The following KCTD19 variants were observed in gnomAD, a reference collection of about 807,000 sequenced individuals.
The protein encoded by KCTD19 is potassium channel tetramerization domain containing 19, also known as BTB/POZ domain-containing protein KCTD19.
In KCTD19, 67 loss-of-function variants were observed where a neutral mutation model predicts 103.5. The ratio of observed to expected loss-of-function variants is 0.65; its 90% CI spans 0.53 to 0.79. The LOEUF is 0.79. KCTD19 is among the 30% of genes least tolerant of loss of function. The pLI, the probability that KCTD19 is intolerant of heterozygous loss-of-function variation, is 0.00. For missense variants in KCTD19, 980 were observed against 1,136.1 expected (o/e 0.86, Z 1.98); for synonymous variants, 439 against 452.2 (o/e 0.97, Z 0.37).
chr16:67,301,993 G>T, intron 4 of KCTD19, 71 bp from the exon 5 acceptor site: 1 of 1,488,882 alleles, frequency 6.7e-7, no homozygotes, highest in Non-Finnish European at 9.3e-7. Context: ...CCTGGTTTTG[G>T]CAGGTTTCTG....
At chr16:67,310,560 G>A (rs1380812850) in intron 2 of KCTD19, among the ~76,000 whole-genome samples, 1 of 152,194 alleles carries the variant, frequency 6.6e-6, no homozygotes, top group Non-Finnish European at 1.5e-5. Context: ...AATGAATTCA[G>A]ATGGCTAATT....
chr16:67,312,892 C>T (rs2142517458), intron 2 of KCTD19, among the ~76,000 whole-genome samples: 1 of 152,274 alleles, frequency 6.6e-6, no homozygotes, highest in African/African-American at 2.4e-5. Flanking sequence ...TGTCTACTTC[C>T]TCCCTTGCTC....
Position 67,293,467 on chromosome 16 carries a change from T to C in KCTD19, c.2218+77A>G. On this transcript the variant is annotated intron_variant, in intron 12 of 15. Coordinates refer to ENST00000304372, the MANE Select transcript of KCTD19 (RefSeq NM_001100915.3). The surrounding 1 kb of genome is among the most constrained non-coding windows in gnomAD (Gnocchi z 4.0). ...GGTCTAGTCCTCCTTTGTCACTAACTTGCTCTGCCATCTTGGCCAAAGAGT... is the reference window on the plus strand; with the variant it reads ...GGTCTAGTCCTCCTTTGTCACTAACCTGCTCTGCCATCTTGGCCAAAGAGT... 6.6e-7 allele frequency: 1 copy of C among 1,510,300 alleles called. No homozygotes were observed. The highest frequency in any genetic ancestry group is 9.0e-7 in the Non-Finnish European group (1 of 1,111,736). The allele number at this position is 1,510,300 out of a possible 1,614,324, so 93.6% of individuals were successfully genotyped here.
At chr16:67,326,576 T>TG in intron 1 of KCTD19, 129 bp downstream of exon 1, 1 of 1,296,548 alleles carries the variant, frequency 7.7e-7, no homozygotes, top group Non-Finnish European at 1.0e-6. Flanking sequence ...CCTTCCCGGC[T>TG]GGGGGCCCCT....
chr16:67,295,472 T>G, intron 8 of KCTD19, 67 bp from the exon 9 acceptor site: 1 of 1,459,018 alleles, frequency 6.9e-7, no homozygotes, highest in Non-Finnish European at 9.4e-7. Context: ...AGGTCAATCT[T>G]CTCTCACTCC....
Position 67,303,034 on chromosome 16 carries a change from G to C in KCTD19, c.643+112C>G. 1.0e-6 allele frequency: 1 copy of C among 1,000,020 alleles called. No individual in the cohort carries two copies. The highest frequency in any genetic ancestry group is 1.5e-5 in the South Asian group (1 of 68,914). The allele number at this position is 1,000,020 out of a possible 1,614,324, so 61.9% of individuals were successfully genotyped here. On this transcript the variant is annotated intron_variant, in intron 4 of 15. Transcript: ENST00000304372. The surrounding 1 kb of genome is among the most constrained non-coding windows in gnomAD (Gnocchi z 4.3). ...CATGCTTCCGCTACCTCTGCCCAGG[G>C]AAGCTCCTGAGGCCCTGAGCACCAA...
intron 13 of KCTD19, 90 bp downstream of exon 13, chr16:67,291,556 G>T: frequency 6.4e-7 from 1 of 1,566,284 alleles, no homozygotes; most frequent in African/African-American, 1.4e-5. Flanking sequence ...GGGCCCCCAG[G>T]GGCCACTGTC....
In KCTD19 at chr16:67,326,711, C is replaced by T. The variant is rs750658233; in HGVS notation, c.-4G>A. On this transcript the variant is annotated 5_prime_UTR_variant, in exon 1 of 16. Coordinates refer to ENST00000304372, the MANE Select transcript of KCTD19 (RefSeq NM_001100915.3). ...GCCAGAGCGGGCTCCGTACCATGGT[C>T]GCGGCTCCAGCAGCGGGCGGGCGGG... is the stretch of plus-strand genomic sequence containing the variant. 29 of 1,576,936 alleles carry T rather than the reference C, an allele frequency of 1.8e-5. No homozygotes were observed. The Middle Eastern group carries it at 5.0e-4, about 27-fold the overall frequency.
At position 67,313,554 on chromosome 16, in the gene KCTD19, C is replaced by A. The variant is rs1291801023; in HGVS notation, c.300+7035G>T. Among the ~76,000 whole-genome samples the A allele has an allele frequency of 2.0e-5, 3 of 152,106 alleles. No homozygotes were observed. In the East Asian group the frequency reaches 5.8e-4, roughly 29 times the overall value. Reference sequence around the variant, plus strand: ...AATTTCGTCCATGGGCTGTAGTTTGCAGATTCTTGATCTAAGGTTAAGCCA... The same window carrying A: ...AATTTCGTCCATGGGCTGTAGTTTGAAGATTCTTGATCTAAGGTTAAGCCA... On this transcript the variant is annotated intron_variant, in intron 2 of 15. Coordinates refer to ENST00000304372, the MANE Select transcript of KCTD19 (RefSeq NM_001100915.3).
At chr16:67,295,108 A>T (rs1489109967) in intron 9 of KCTD19, 52 bp from the exon 10 acceptor site, 2 of 1,570,182 alleles carry the variant, frequency 1.3e-6, no homozygotes, top group Admixed American at 3.3e-5. Context: ...AGGGTGTGGG[A>T]GGGAGCATGA....
chr16:67,309,136 A>G (rs1470578096), intron 2 of KCTD19, among the ~76,000 whole-genome samples: 1 of 151,772 alleles, frequency 6.6e-6, no homozygotes, highest in Non-Finnish European at 1.5e-5. Context: ...CTCAAAAAAA[A>G]AAAAAAAAGA....
In KCTD19 at chr16:67,303,038, C is replaced by T; in HGVS notation, c.643+108G>A. The T allele has an allele frequency of 9.3e-7, 1 of 1,077,336 alleles. No individual in the cohort carries two copies. Among genetic ancestry groups the T allele is most frequent in the South Asian group, 1.4e-5 (1 of 71,322 alleles). 66.7% of individuals were successfully genotyped at this position (1,077,336 alleles called of 1,614,324 possible). Reference sequence around the variant, plus strand: ...CTTCCGCTACCTCTGCCCAGGGAAGCTCCTGAGGCCCTGAGCACCAAGCTG... The same window carrying T: ...CTTCCGCTACCTCTGCCCAGGGAAGTTCCTGAGGCCCTGAGCACCAAGCTG... On this transcript the variant is annotated intron_variant, in intron 4 of 15. Coordinates refer to ENST00000304372, the MANE Select transcript of KCTD19 (RefSeq NM_001100915.3). The surrounding 1 kb of genome is among the most constrained non-coding windows in gnomAD (Gnocchi z 4.3).
chr16:67,309,282 G>A (rs888599552), intron 2 of KCTD19, among the ~76,000 whole-genome samples: 1 of 152,184 alleles, frequency 6.6e-6, no homozygotes, highest in Non-Finnish European at 1.5e-5. Flanking sequence ...AAGATGGAAA[G>A]ACATTGAGTA....
Position 67,299,591 on chromosome 16 carries a change from G to A in KCTD19, c.776-18C>T. Reference sequence around the variant, plus strand: ...ACAGCCACCTGTGTCAGAGAGAAAGGGGTGACTCCTAGGCCCCCCATGGTC... The same window carrying A: ...ACAGCCACCTGTGTCAGAGAGAAAGAGGTGACTCCTAGGCCCCCCATGGTC... On this transcript the variant is annotated intron_variant, in intron 5 of 15. Coordinates refer to ENST00000304372, the MANE Select transcript of KCTD19 (RefSeq NM_001100915.3). 1 of 1,603,458 alleles carries A rather than the reference G, an allele frequency of 6.2e-7. No individual in the cohort carries two copies. Among genetic ancestry groups the A allele is most frequent in the Non-Finnish European group, 8.5e-7 (1 of 1,176,448 alleles).
intron 2 of KCTD19, among the ~76,000 whole-genome samples, chr16:67,318,484 C>G (rs187940613): frequency 1.3e-5 from 2 of 148,588 alleles, no homozygotes; most frequent in Admixed American, 1.4e-4. Flanking sequence ...TGCTTGAACT[C>G]AGGAGGTGGA....
intron 6 of KCTD19, among the ~76,000 whole-genome samples, chr16:67,298,228 C>A (rs2036790689): frequency 6.6e-6 from 1 of 152,014 alleles, no homozygotes; most frequent in Non-Finnish European, 1.5e-5. Context: ...CTCTTGACCT[C>A]ATGATCTGCT....
At chr16:67,299,686 A>G (rs2036812590) in intron 5 of KCTD19, 113 bp from the exon 6 acceptor site, 1 of 812,320 alleles carries the variant, frequency 1.2e-6, no homozygotes, top group African/African-American at 1.7e-5. Context: ...GGCTCAGAGG[A>G]AGGATATTTC....
At chr16:67,301,656 CAG>C in intron 5 of KCTD19, 133 bp downstream of exon 5, 1 of 800,510 alleles carries the variant, frequency 1.2e-6, no homozygotes, top group Non-Finnish European at 2.0e-6. Flanking sequence ...TTCTTGGATT[CAG>C]AGTCAGCCAG....
chr16:67,304,603 A>C lies in KCTD19; in HGVS notation c.301-32T>G, dbSNP rs752291881. ...GATAATGAAGAGTACTATCTTGAGA[A>C]TCTAAACCAAGTAACTATGTACCAA... is the stretch of plus-strand genomic sequence containing the variant. On this transcript the variant is annotated intron_variant, in intron 2 of 15. Transcript: ENST00000304372. 1.4e-5 allele frequency: 22 copies of C among 1,581,470 alleles called. No individual in the cohort carries two copies. The East Asian group carries it at 4.7e-4, about 34-fold the overall frequency.
Sources: gnomAD v4.1 joint callset for allele counts (sites outside exome capture counted in the v4.1 genomes callset) on GRCh38, gnomAD v4.1.1 for gene constraint, Gnocchi (gnomAD v3.1) non-coding constraint, MANE v1.5 for transcripts, NCBI Gene and HGNC (gene_info 2026-07-23, HGNC 2026-07-21) for gene names.